The following SCN2A variants were observed in gnomAD, a reference collection of about 807,000 sequenced individuals.
SCN2A encodes the protein sodium voltage-gated channel alpha subunit 2.
In SCN2A, 20 loss-of-function variants were observed where a neutral mutation model predicts 188.7. That is an observed-to-expected ratio of 0.11 (90% confidence interval 0.07 to 0.15). The LOEUF is 0.15. SCN2A is among the 10% of genes least tolerant of loss of function. The probability of loss-of-function intolerance (pLI) is 1.00; values close to 1 mark genes in which losing one functional copy is unlikely to be tolerated. For missense variants in SCN2A, 1,278 were observed against 2,445.0 expected, an observed-to-expected ratio of 0.52 and a Z score of 10.07; for synonymous variants, 804 against 833.1, an observed-to-expected ratio of 0.97 and a Z score of 0.60.
chr2:165,240,609 T>A (rs1693572430), intron 1 of SCN2A, among the ~76,000 whole-genome samples: 1 of 151,794 alleles, frequency 6.6e-6, no homozygotes, highest in South Asian at 2.1e-4. Context: ...TTAAAAATAG[T>A]TTTGTAAGAT....
intron 16 of SCN2A, among the ~76,000 whole-genome samples, chr2:165,348,518 T>C (rs560275135): frequency 6.6e-5 from 10 of 152,346 alleles, no homozygotes; most frequent in African/African-American, 2.4e-4. Context: ...ACATTACTTT[T>C]GATAATTCTG....
At chr2:165,328,986 C>CTTTT (rs1269103949) in intron 13 of SCN2A, among the ~76,000 whole-genome samples, 6 of 89,394 alleles carry the variant, frequency 6.7e-5, no homozygotes, top group East Asian at 3.8e-4. Flanking sequence ...TAAGATAGTC[C>CTTTT]TTTTTTTTTT....
Position 165,332,190 on chromosome 2 carries a change from A to G in SCN2A, c.2388+622A>G, listed in dbSNP as rs1329785714. On this transcript the variant is annotated intron_variant, in intron 14 of 26. Coordinates refer to ENST00000375437, the MANE Select transcript of SCN2A (RefSeq NM_001040142.2). ...GACAAAATGAAGAAAATCACGCAAAAAAGTATATTTATACAAGTATAAAAT... is the reference window on the plus strand; with the variant it reads ...GACAAAATGAAGAAAATCACGCAAAGAAGTATATTTATACAAGTATAAAAT... Among the ~76,000 whole-genome samples the G allele has an allele frequency of 3.9e-5, 6 of 152,114 alleles. No homozygotes were observed. In the East Asian group the frequency reaches 1.2e-3, roughly 29 times the overall value.
intron 1 of SCN2A, among the ~76,000 whole-genome samples, chr2:165,246,823 C>A (rs1238040533): frequency 1.3e-5 from 2 of 152,026 alleles, no homozygotes; most frequent in African/African-American, 2.4e-5. Context: ...TAGATTGATG[C>A]CCAGCAACCA....
At chr2:165,323,126 C>T (rs555953391) in intron 11 of SCN2A, 30 bp from the exon 12 acceptor site, 1 of 1,594,378 alleles carries the variant, frequency 6.3e-7, no homozygotes, top group South Asian at 1.1e-5. Flanking sequence ...CTCTTCATCT[C>T]ATTTTTGTTT....
chr2:165,291,523 TC>T (rs1696182169), intron 1 of SCN2A, among the ~76,000 whole-genome samples: 1 of 81,900 alleles, frequency 1.2e-5, no homozygotes, highest in Non-Finnish European at 2.5e-5. Flanking sequence ...TCCTCTCCTT[TC>T]TTTCCTTCCT....
intron 3 of SCN2A, among the ~76,000 whole-genome samples, chr2:165,304,377 G>C (rs1258481555): frequency 6.6e-6 from 1 of 152,194 alleles, no homozygotes; most frequent in Non-Finnish European, 1.5e-5. Context: ...TTATAGGCGA[G>C]AGCCATGGCA....
rs199698414 is a variant in SCN2A, at chr2:165,388,961, T to C, written c.5155T>C (p.Leu1719=). The change falls in exon 27 of 27, where the codon TTG becomes CTG. Residue 1719 remains leucine, a synonymous_variant. Coordinates refer to ENST00000375437, the MANE Select transcript of SCN2A (RefSeq NM_001040142.2). ...TACAACCTCTGCTGGCTGGGATGGA[T>C]TGCTAGCACCTATTCTTAATAGTGG... ...QITTSAGWDG[L]LAPILNSGPP... The C allele has an allele frequency of 3.8e-4, 606 of 1,614,108 alleles. 2 individuals carry two copies. The highest frequency in any genetic ancestry group is 9.7e-4 in the Admixed American group (58 of 60,010).
intron 16 of SCN2A, among the ~76,000 whole-genome samples, chr2:165,350,464 C>CTTTTTTTTTTTTTTT (rs71028479): frequency 2.4e-4 from 18 of 73,828 alleles, no homozygotes; most frequent in Non-Finnish European, 2.7e-4. Flanking sequence ...TGTTTTCTTT[C>CTTTTTTTTTTTTTTT]TTTTTTTTTT....
chr2:165,266,400 T>C (rs1335370904), intron 1 of SCN2A: 4 of 152,086 alleles, frequency 2.6e-5, no homozygotes, highest in African/African-American at 9.7e-5. Context: ...TCATTCTTTC[T>C]CCATAAATTT....
intron 16 of SCN2A, among the ~76,000 whole-genome samples, chr2:165,350,719 G>GCCT (rs10683388): frequency 0.99 from 144,937 of 146,342 alleles, 71,789 homozygotes; most frequent in Middle Eastern, 1. Flanking sequence ...TGATCCGCCC[G>GCCT]AGGCCTCCCA....
At chr2:165,361,362 G>A (rs888888393) in intron 17 of SCN2A, among the ~76,000 whole-genome samples, 2 of 151,974 alleles carry the variant, frequency 1.3e-5, no homozygotes, top group African/African-American at 4.8e-5. Context: ...GCACTATCTT[G>A]AACCTACAAT....
chr2:165,324,995 C>T (rs1180867798), intron 12 of SCN2A, among the ~76,000 whole-genome samples: 1 of 152,174 alleles, frequency 6.6e-6, no homozygotes, highest in Non-Finnish European at 1.5e-5. Context: ...CCTGTGCCTA[C>T]CCAGACCTTT....
chr2:165,377,636 G>A lies in SCN2A; in HGVS notation c.4294G>A (p.Val1432Ile). The A allele has an allele frequency of 6.2e-7, 1 of 1,606,826 alleles. No individual in the cohort carries two copies. Among genetic ancestry groups the A allele is most frequent in the Non-Finnish European group, 8.5e-7 (1 of 1,175,612 alleles). Residue 1432 changes from valine (V) to isoleucine (I), a missense_variant, in exon 23 of 27, where the codon GTT (valine) becomes ATT (isoleucine). By Grantham distance (29) the Val-to-Ile change is conservative. This residue lies in a region of SCN2A where 97 missense variants were observed against 266.1 expected (regional missense o/e 0.36). Transcript: ENST00000375437. ...KGWMDIMYAAVDSRNVELQPK... is the reference protein window; with the variant it reads ...KGWMDIMYAAIDSRNVELQPK... ...ATGGATGGATATTATGTATGCAGCTGTTGATTCACGAAATGTAAGTCTAGT... is the reference window on the plus strand; with the variant it reads ...ATGGATGGATATTATGTATGCAGCTATTGATTCACGAAATGTAAGTCTAGT...
chr2:165,379,676 C>T (rs1243186024), intron 23 of SCN2A, among the ~76,000 whole-genome samples: 1 of 151,680 alleles, frequency 6.6e-6, no homozygotes, highest in Non-Finnish European at 1.5e-5. Context: ...AAAATCTCAT[C>T]GAAGAATAGC....
chr2:165,311,875 ATT>A (rs1281006947), intron 7 of SCN2A, 148 bp from the exon 8 acceptor site: 4 of 642,808 alleles, frequency 6.2e-6, no homozygotes, highest in Non-Finnish European at 1.1e-5. Context: ...TTTGTTCAAT[ATT>A]GTGAAAAATC....
intron 13 of SCN2A, among the ~76,000 whole-genome samples, chr2:165,329,238 T>C (rs1160083403): frequency 2.6e-5 from 4 of 152,118 alleles, no homozygotes; most frequent in Admixed American, 1.3e-4. Flanking sequence ...TAAGCAAAAA[T>C]GAACCATTTG....
At chr2:165,346,756 A>G (rs1261463588) in intron 16 of SCN2A, among the ~76,000 whole-genome samples, 2 of 152,232 alleles carry the variant, frequency 1.3e-5, no homozygotes, top group Non-Finnish European at 2.9e-5. Context: ...CAAGAAAAAC[A>G]CAACCCTATC....
At chr2:165,365,816 A>G (rs920945174) in intron 18 of SCN2A, among the ~76,000 whole-genome samples, 1 of 152,182 alleles carries the variant, frequency 6.6e-6, no homozygotes, top group Admixed American at 6.5e-5. Flanking sequence ...GCCAAAATAT[A>G]CTATGAGTCA....
Sources: gnomAD v4.1 joint callset for allele counts (sites outside exome capture counted in the v4.1 genomes callset) on GRCh38, gnomAD v4.1.1 for gene constraint, gnomAD v4.1.1 regional missense constraint, MANE v1.5 for transcripts, NCBI Gene and HGNC (gene_info 2026-07-23, HGNC 2026-07-21) for gene names.